ZNF804A: variants seen among roughly 807,000 people sequenced by gnomAD.
The protein encoded by ZNF804A is zinc finger protein 804A.
In ZNF804A, 2 loss-of-function variants were observed where a neutral mutation model predicts 16.5. The ratio of observed to expected loss-of-function variants is 0.12; its 90% confidence interval spans 0.05 to 0.38. The LOEUF (loss-of-function observed/expected upper bound fraction) is 0.38. Among genes scored for constraint, ZNF804A ranks in the 10% least tolerant of loss-of-function variants. ZNF804A has a pLI of 0.99. For synonymous variants in ZNF804A, 534 were observed against 489.6 expected, an observed-to-expected ratio of 1.09 and a Z score of -1.20; for missense variants, 1,473 against 1,390.7, an observed-to-expected ratio of 1.06 and a Z score of -0.94.
At chr2:184,689,767 A>G (rs1692700072) in intron 1 of ZNF804A, among the ~76,000 whole-genome samples, 1 of 152,054 alleles carries the variant, frequency 6.6e-6, no homozygotes, top group Non-Finnish European at 1.5e-5. Flanking sequence ...AACAGAAACT[A>G]CATTTGGAAG....
chr2:184,924,006 GTT>G (rs1023293856), intron 2 of ZNF804A, among the ~76,000 whole-genome samples: 4 of 88,374 alleles, frequency 4.5e-5, no homozygotes, highest in South Asian at 3.5e-4. Context: ...ATGTAGTTTT[GTT>G]TTGTGTGTGT....
At chr2:184,637,827 A>G (rs1377109149) in intron 1 of ZNF804A, among the ~76,000 whole-genome samples, 1 of 152,226 alleles carries the variant, frequency 6.6e-6, no homozygotes, top group African/African-American at 2.4e-5. Context: ...TTAAATCATA[A>G]AAGTGGAATC....
chr2:184,890,179 A>G lies in ZNF804A; in HGVS notation c.255+23667A>G, dbSNP rs181429251. Among the ~76,000 whole-genome samples, 1,148 of 152,278 alleles carry G rather than the reference A, an allele frequency of 7.5e-3. 17 individuals are homozygous for G. The highest frequency in any genetic ancestry group is 0.026 in the African/African-American group (1,091 of 41,578). ...AACAAAATCCTCCACACAAGGTTAA[A>G]AAAACTTCTTTTTATAGCTGACTGG... On this transcript the variant is annotated intron_variant, in intron 2 of 3. Transcript: ENST00000302277.
intron 1 of ZNF804A, among the ~76,000 whole-genome samples, chr2:184,654,215 A>G (rs1295776728): frequency 1.3e-5 from 2 of 152,244 alleles, no homozygotes; most frequent in African/African-American, 4.8e-5. Flanking sequence ...TGACAGAGAC[A>G]CAAAGACAGG....
intron 1 of ZNF804A, among the ~76,000 whole-genome samples, chr2:184,707,758 G>A (rs1693054719): frequency 6.6e-6 from 1 of 152,034 alleles, no homozygotes; most frequent in Non-Finnish European, 1.5e-5. Flanking sequence ...GAATATATGT[G>A]TGCATGGGTC....
At chr2:184,639,903 G>A (rs1037681967) in intron 1 of ZNF804A, among the ~76,000 whole-genome samples, 7 of 152,182 alleles carry the variant, frequency 4.6e-5, no homozygotes, top group Non-Finnish European at 7.3e-5. Context: ...TCGGGAGACT[G>A]AGGCAGGAGA....
intron 1 of ZNF804A, among the ~76,000 whole-genome samples, chr2:184,809,311 C>T (rs1024960138): frequency 1.3e-5 from 2 of 151,128 alleles, no homozygotes; most frequent in East Asian, 1.9e-4. Context: ...GGAAGGGACT[C>T]AAGAAAAGAA....
chr2:184,711,224 T>C (rs929088150), intron 1 of ZNF804A, among the ~76,000 whole-genome samples: 2 of 151,790 alleles, frequency 1.3e-5, no homozygotes, highest in African/African-American at 4.8e-5. Context: ...TGATATTTTG[T>C]TGTGGTTTTG....
intron 1 of ZNF804A, among the ~76,000 whole-genome samples, chr2:184,716,415 C>T (rs1693214573): frequency 6.6e-6 from 1 of 151,886 alleles, no homozygotes; most frequent in South Asian, 2.1e-4. Context: ...TTACACAATT[C>T]ATGATTTACA....
chr2:184,857,393 A>G (rs1313356721), intron 1 of ZNF804A, among the ~76,000 whole-genome samples: 2 of 152,096 alleles, frequency 1.3e-5, no homozygotes, highest in African/African-American at 2.4e-5. Flanking sequence ...TTTGTTGCCT[A>G]ACATATAGGC....
chr2:184,829,104 A>G (rs1695218996), intron 1 of ZNF804A, among the ~76,000 whole-genome samples: 1 of 151,724 alleles, frequency 6.6e-6, no homozygotes, highest in Non-Finnish European at 1.5e-5. Context: ...GTAAATGTAA[A>G]TGCACTTTAT....
intron 2 of ZNF804A, among the ~76,000 whole-genome samples, chr2:184,871,594 G>A (rs187084537): frequency 6.6e-5 from 10 of 151,824 alleles, no homozygotes; most frequent in African/African-American, 2.4e-4. Flanking sequence ...ATTAAATACA[G>A]AATACAATAT....
At chr2:184,736,947 TTC>T in intron 1 of ZNF804A, among the ~76,000 whole-genome samples, 1 of 152,192 alleles carries the variant, frequency 6.6e-6, no homozygotes, top group Non-Finnish European at 1.5e-5. Context: ...CTTGTGTTTT[TTC>T]TGTTTTAAAG....
At chr2:184,903,908 A>T (rs1312308833) in intron 2 of ZNF804A, among the ~76,000 whole-genome samples, 1 of 152,114 alleles carries the variant, frequency 6.6e-6, no homozygotes, top group African/African-American at 2.4e-5. Context: ...ATACATTCAA[A>T]TATGACAGAA....
chr2:184,622,151 A>G (rs1691430351), intron 1 of ZNF804A, among the ~76,000 whole-genome samples: 1 of 151,834 alleles, frequency 6.6e-6, no homozygotes, highest in Admixed American at 6.6e-5. Flanking sequence ...CTATGCTAGT[A>G]TATCTCTCAC....
chr2:184,903,301 G>T (rs566736617), intron 2 of ZNF804A, among the ~76,000 whole-genome samples: 1 of 152,142 alleles, frequency 6.6e-6, no homozygotes, highest in South Asian at 2.1e-4. Context: ...CACATATATA[G>T]CAATGACCCC....
rs373766226 is a variant in ZNF804A at position 184,922,286 on chromosome 2, A to G, written c.256-11317A>G. 1.6e-4 allele frequency among the ~76,000 whole-genome samples: 24 copies of G among 152,202 alleles called. No individual in the cohort carries two copies. In the East Asian group the frequency reaches 4.1e-3, roughly 26 times the overall value. ...TTTTTATTGCTTATCTTTTGGATAA[A>G]AACCATTTTAACTGGAGTGGGATGA... On this transcript the variant is annotated intron_variant, in intron 2 of 3. Coordinates refer to ENST00000302277, the MANE Select transcript of ZNF804A (RefSeq NM_194250.2).
intron 1 of ZNF804A, among the ~76,000 whole-genome samples, chr2:184,675,609 A>G (rs1324617702): frequency 1.3e-5 from 2 of 151,716 alleles, no homozygotes; most frequent in African/African-American, 2.4e-5. Context: ...ACTATTTTTT[A>G]TTTCTATTAA....
intron 1 of ZNF804A, among the ~76,000 whole-genome samples, chr2:184,829,941 A>AAAAAAAAAAAAAC (rs1558975002): frequency 6.2e-5 from 9 of 146,126 alleles, no homozygotes; most frequent in African/African-American, 2.3e-4. Context: ...AAAAAAAAAA[A>AAAAAAAAAAAAAC]ACCACACACA....
Sources: gnomAD v4.1 joint callset for allele counts (sites outside exome capture counted in the v4.1 genomes callset) on GRCh38, gnomAD v4.1.1 for gene constraint, MANE v1.5 for transcripts, NCBI Gene and HGNC (gene_info 2026-07-23, HGNC 2026-07-21) for gene names.